Variants in RIPOR2 observed in about 807,000 individuals in gnomAD.
RIPOR2 encodes the protein RHO family interacting cell polarization regulator 2.
In RIPOR2, 39 loss-of-function variants were observed where a neutral mutation model predicts 114.5. The ratio of observed to expected loss-of-function variants is 0.34; its 90% CI spans 0.26 to 0.44. The LOEUF (loss-of-function observed/expected upper bound fraction) is 0.44. Among genes scored for constraint, RIPOR2 ranks in the 20% least tolerant of loss-of-function variants. The pLI is 1.00. For synonymous variants in RIPOR2, 445 were observed against 484.4 expected, an observed-to-expected ratio of 0.92 and a Z score of 1.07; for missense variants, 1,007 against 1,255.1, an observed-to-expected ratio of 0.80 and a Z score of 2.99.
chr6:24,960,197 C>T (rs1561809113), intron 1 of RIPOR2, among the ~76,000 whole-genome samples: 2 of 152,164 alleles, frequency 1.3e-5, no homozygotes, highest in Non-Finnish European at 2.9e-5. Flanking sequence ...ATTGCTACAA[C>T]AAAATCCTGA....
rs367660978 is a variant in RIPOR2, at chr6:24,830,047, C to T, written c.2506+462G>A. Among the ~76,000 whole-genome samples the T allele has an allele frequency of 1.8e-4, 28 of 152,310 alleles. No individual in the cohort carries two copies. In the East Asian group the frequency reaches 2.3e-3, roughly 13 times the overall value. ...GTGGCGTGATCTCAGCTCACTGCAA[C>T]CTCTGCCTCCCAGGTTCAAGCGATT... On this transcript the variant is annotated intron_variant, in intron 17 of 21. Coordinates refer to ENST00000643898, the MANE Select transcript of RIPOR2 (RefSeq NM_001286445.3).
intron 11 of RIPOR2, 22 bp from the exon 12 acceptor site, chr6:24,848,176 G>T: frequency 6.2e-7 from 1 of 1,611,604 alleles, no homozygotes; most frequent in Non-Finnish European, 8.5e-7. Flanking sequence ...CAGGTCCCCA[G>T]GTATGCACAT....
At chr6:24,974,160 G>A (rs1773922957) in intron 1 of RIPOR2, among the ~76,000 whole-genome samples, 1 of 152,144 alleles carries the variant, frequency 6.6e-6, no homozygotes, top group Non-Finnish European at 1.5e-5. Flanking sequence ...GAGGTGGGAG[G>A]ACTGTTTGAG....
chr6:24,838,738 G>T (rs1011339741), intron 14 of RIPOR2, among the ~76,000 whole-genome samples: 14 of 152,246 alleles, frequency 9.2e-5, no homozygotes, highest in African/African-American at 3.4e-4. Context: ...AGGTTGTGGT[G>T]AGCTGAGATC....
At position 25,037,022 on chromosome 6, in the gene RIPOR2, C is replaced by T. The variant is rs1271297876; in HGVS notation, c.76+4829G>A. ...CAATGGTAAGCCCTTCATACTGCCTCAAATGCCACTATTACCATTTTTAGG... is the reference window on the plus strand; with the variant it reads ...CAATGGTAAGCCCTTCATACTGCCTTAAATGCCACTATTACCATTTTTAGG... On this transcript the variant is annotated intron_variant, in intron 1 of 13. Transcript: ENST00000510784. The surrounding 1 kb of genome is among the most constrained non-coding windows in gnomAD (Gnocchi z 4.5). 6.6e-6 allele frequency among the ~76,000 whole-genome samples: 1 copy of T among 152,160 alleles called. No homozygotes were observed. Among genetic ancestry groups the T allele is most frequent in the Non-Finnish European group, 1.5e-5 (1 of 68,036 alleles).
chr6:24,992,019 T>C (rs1774841973), intron 1 of RIPOR2, among the ~76,000 whole-genome samples: 1 of 152,198 alleles, frequency 6.6e-6, no homozygotes, highest in African/African-American at 2.4e-5. Context: ...CTTTGACTCT[T>C]GACACCAAAG....
At chr6:24,911,529 G>A (rs1769601351) in intron 1 of RIPOR2, among the ~76,000 whole-genome samples, 1 of 152,186 alleles carries the variant, frequency 6.6e-6, no homozygotes, top group Admixed American at 6.5e-5. Flanking sequence ...GGGTTGTGCT[G>A]GAAAGCCCCG....
chr6:24,820,963 C>T (rs1305756473), intron 19 of RIPOR2, among the ~76,000 whole-genome samples: 1 of 148,982 alleles, frequency 6.7e-6, no homozygotes, highest in Non-Finnish European at 1.5e-5. Flanking sequence ...AACTCCGCCT[C>T]CTGGGTTCAA....
rs1378073896 is a variant in RIPOR2 at position 24,927,141 on chromosome 6, C to A, written c.61+8697G>T. Among the ~76,000 whole-genome samples the A allele has an allele frequency of 1.6e-3, 48 of 30,352 alleles. 8 individuals carry two copies. Among genetic ancestry groups the A allele is most frequent in the East Asian group, 2.9e-3 (2 of 696 alleles). 19.9% of individuals were successfully genotyped at this position (30,352 alleles called of 152,430 possible). ...ATTATAATCATCATCTCACTACCAC[C>A]ACCACCACCACCACCACCACAACTA... On this transcript the variant is annotated intron_variant, in intron 1 of 21. Coordinates refer to ENST00000643898, the MANE Select transcript of RIPOR2 (RefSeq NM_001286445.3).
chr6:24,996,266 TATGGGCAGAAA>T (rs1209940102), intron 1 of RIPOR2, among the ~76,000 whole-genome samples: 2 of 152,250 alleles, frequency 1.3e-5, no homozygotes, highest in African/African-American at 4.8e-5. Flanking sequence ...ATCTATGAAC[TATGGGCAGAAA>T]ATCTACGATA....
chr6:24,808,115 T>C (rs9461072), intron 21 of RIPOR2, among the ~76,000 whole-genome samples: 1 of 152,158 alleles, frequency 6.6e-6, no homozygotes, highest in East Asian at 1.9e-4. Flanking sequence ...GTGCAGCCAG[T>C]GTTGAGCACT....
intron 20 of RIPOR2, 36 bp downstream of exon 20, chr6:24,818,506 C>A: frequency 7.2e-7 from 1 of 1,393,480 alleles, no homozygotes; most frequent in East Asian, 2.5e-5. Context: ...TGGCTCCAAG[C>A]TGAGCTGCCA....
At chr6:24,913,773 C>G (rs1769852898) in intron 1 of RIPOR2, among the ~76,000 whole-genome samples, 1 of 152,114 alleles carries the variant, frequency 6.6e-6, no homozygotes, top group African/African-American at 2.4e-5. Flanking sequence ...CTTTTAGGTT[C>G]TTACTATCCC....
intron 1 of RIPOR2, among the ~76,000 whole-genome samples, chr6:24,886,723 G>C (rs189874069): frequency 6.6e-6 from 1 of 152,148 alleles, no homozygotes; most frequent in African/African-American, 2.4e-5. Context: ...TGCCATTACC[G>C]GTGATGTTAA....
At chr6:24,911,047 G>T in intron 1 of RIPOR2, 1 of 921,108 alleles carries the variant, frequency 1.1e-6, no homozygotes, top group Non-Finnish European at 1.3e-6. Flanking sequence ...GGCGCGCGGG[G>T]TGAAGTTGCG....
At chr6:24,839,359 T>C in intron 13 of RIPOR2, 87 bp from the exon 14 acceptor site, 1 of 1,032,126 alleles carries the variant, frequency 9.7e-7, no homozygotes, top group Non-Finnish European at 1.3e-6. Flanking sequence ...GATGCCACAC[T>C]TTTTTTTTTG....
intron 1 of RIPOR2, among the ~76,000 whole-genome samples, chr6:24,988,692 T>TC (rs1774650588): frequency 1.3e-5 from 2 of 152,220 alleles, no homozygotes; most frequent in Non-Finnish European, 2.9e-5. Flanking sequence ...TGTGTGTGTT[T>TC]ATCATGCTTT....
chr6:24,912,300 C>T (rs933653555), intron 1 of RIPOR2, among the ~76,000 whole-genome samples: 9 of 152,100 alleles, frequency 5.9e-5, no homozygotes, highest in Admixed American at 5.9e-4. Context: ...TCTGAAGCAC[C>T]CCTTCACTCT....
At chr6:24,872,509 G>A (rs551828290) in intron 4 of RIPOR2, among the ~76,000 whole-genome samples, 3 of 152,234 alleles carry the variant, frequency 2.0e-5, no homozygotes, top group South Asian at 2.1e-4. Flanking sequence ...ATGAGCTACC[G>A]TGCCTGGACC....
Sources: allele counts gnomAD v4.1 joint callset (sites outside exome capture counted in the v4.1 genomes callset), GRCh38; gene constraint gnomAD v4.1.1; non-coding constraint Gnocchi (gnomAD v3.1); transcripts MANE v1.5; gene names NCBI Gene and HGNC (gene_info 2026-07-23, HGNC 2026-07-21).